The following CAMTA1 variants were observed in gnomAD, a reference collection of about 807,000 sequenced individuals.
The protein encoded by CAMTA1 is calmodulin binding transcription activator 1, also known as calmodulin-binding transcription activator 1.
A neutral mutation model predicts 170.9 loss-of-function variants in CAMTA1; 27 were observed. That is an observed-to-expected ratio of 0.16 (90% CI 0.12 to 0.22). CAMTA1 has a LOEUF of 0.22. Ranked by LOEUF, CAMTA1 falls within the 10% of genes least tolerant of loss-of-function variation. The pLI is 1.00. For synonymous variants in CAMTA1, 833 were observed against 891.5 expected, an observed-to-expected ratio of 0.93 and a Z score of 1.17; for missense variants, 1,619 against 2,217.2, an observed-to-expected ratio of 0.73 and a Z score of 5.42.
At chr1:7,045,559 G>A (rs944386552) in intron 3 of CAMTA1, among the ~76,000 whole-genome samples, 11 of 152,068 alleles carry the variant, frequency 7.2e-5, no homozygotes, top group Non-Finnish European at 1.3e-4. Flanking sequence ...TATTCCATTA[G>A]AGCCGTTACA....
intron 5 of CAMTA1, among the ~76,000 whole-genome samples, chr1:7,412,512 A>G (rs919277305): frequency 2.0e-5 from 3 of 152,208 alleles, no homozygotes; most frequent in African/African-American, 7.2e-5. Context: ...GTGGCCAGTG[A>G]TGGTGAGCAT....
At chr1:7,228,089 T>G (rs1339100379) in intron 4 of CAMTA1, among the ~76,000 whole-genome samples, 1 of 152,260 alleles carries the variant, frequency 6.6e-6, no homozygotes, top group African/African-American at 2.4e-5. Flanking sequence ...TAGAAGGAAC[T>G]GGTTGCATTA....
intron 10 of CAMTA1, among the ~76,000 whole-genome samples, chr1:7,676,383 G>T (rs1233214225): frequency 3.3e-5 from 5 of 152,218 alleles, no homozygotes; most frequent in African/African-American, 4.8e-5. Flanking sequence ...AGTGACTCCC[G>T]AAGGCCTTCC....
rs1360926146 is a variant in CAMTA1, at chr1:7,565,174, C to G, written c.511-75226C>G. On this transcript the variant is annotated intron_variant, in intron 6 of 22. Transcript: ENST00000303635. The surrounding 1 kb of genome is among the most constrained non-coding windows in gnomAD (Gnocchi z 4.5). The stretch of plus-strand genomic sequence containing the variant: ...CCTCACACCCCCACCCTCCACTTGC[C>G]AGCCGATCACTGGGGCAGAAGGTGG... 6.6e-6 allele frequency among the ~76,000 whole-genome samples: 1 copy of G among 152,152 alleles called. No individual in the cohort carries two copies. Among genetic ancestry groups the G allele is most frequent in the African/African-American group, 2.4e-5 (1 of 41,440 alleles).
intron 3 of CAMTA1, among the ~76,000 whole-genome samples, chr1:6,828,652 T>C (rs988542968): frequency 1.3e-5 from 2 of 152,124 alleles, no homozygotes; most frequent in Admixed American, 1.3e-4. Context: ...TATAATTATT[T>C]GTAAGCCTTA....
At chr1:6,878,573 T>A (rs890170023) in intron 3 of CAMTA1, among the ~76,000 whole-genome samples, 1 of 152,234 alleles carries the variant, frequency 6.6e-6, no homozygotes, top group African/African-American at 2.4e-5. Context: ...TAATGGTCAA[T>A]TGAGTGCAGA....
At chr1:7,110,658 A>G (rs1008911393) in intron 4 of CAMTA1, among the ~76,000 whole-genome samples, 1 of 152,150 alleles carries the variant, frequency 6.6e-6, no homozygotes, top group Non-Finnish European at 1.5e-5. Context: ...GTGTTCTTAG[A>G]AGCTGGGTCG....
intron 5 of CAMTA1, among the ~76,000 whole-genome samples, chr1:7,454,624 G>T (rs749372821): frequency 3.3e-5 from 5 of 152,192 alleles, no homozygotes; most frequent in Non-Finnish European, 7.3e-5. Context: ...GGAGGACCGA[G>T]TGAGTTTCTC....
At chr1:7,221,928 T>TACACACAC (rs61354001) in intron 4 of CAMTA1, among the ~76,000 whole-genome samples, 92 of 124,272 alleles carry the variant, frequency 7.4e-4, no homozygotes, top group African/African-American at 2.8e-3. Flanking sequence ...CACACACACA[T>TACACACAC]ACACACACAC....
intron 11 of CAMTA1, among the ~76,000 whole-genome samples, chr1:7,704,129 G>T (rs1250580181): frequency 6.6e-6 from 1 of 151,234 alleles, no homozygotes; most frequent in Non-Finnish European, 1.5e-5. Context: ...GTTGCGCAGC[G>T]CCGGCTCCTC....
intron 2 of CAMTA1, among the ~76,000 whole-genome samples, chr1:6,821,884 GTTATA>G (rs1036346274): frequency 3.9e-5 from 6 of 152,098 alleles, no homozygotes; most frequent in Non-Finnish European, 7.4e-5. Flanking sequence ...ATATTGGAAA[GTTATA>G]TTATACTACA....
At chr1:7,739,215 G>GA (rs907075041) in intron 16 of CAMTA1, among the ~76,000 whole-genome samples, 31 of 144,762 alleles carry the variant, frequency 2.1e-4, no homozygotes, top group Admixed American at 7.5e-4. Context: ...ACGTAAAAGG[G>GA]AAAAAAAACG....
In CAMTA1 at chr1:7,631,774, C is replaced by G. The variant is rs963273619; in HGVS notation, c.511-8626C>G. On this transcript the variant is annotated intron_variant, in intron 6 of 22. Coordinates refer to ENST00000303635, the MANE Select transcript of CAMTA1 (RefSeq NM_015215.4). ...GCTTCCGTCCATCCTCCAGGCCTCT[C>G]TGATCCTCCCCCTGCCTCCTGGCTA... 2.6e-4 allele frequency among the ~76,000 whole-genome samples: 40 copies of G among 152,322 alleles called. 2 individuals carry two copies. Among genetic ancestry groups the G allele is most frequent in the African/African-American group, 9.6e-4 (40 of 41,570 alleles).
intron 5 of CAMTA1, among the ~76,000 whole-genome samples, chr1:7,271,144 C>T (rs1195882973): frequency 6.6e-6 from 1 of 152,058 alleles, no homozygotes. Flanking sequence ...TAAATGAGGT[C>T]ATAGGGATGT....
At chr1:7,219,116 G>T (rs1205422729) in intron 4 of CAMTA1, among the ~76,000 whole-genome samples, 1 of 152,182 alleles carries the variant, frequency 6.6e-6, no homozygotes, top group Non-Finnish European at 1.5e-5. Flanking sequence ...CTCTTACGAA[G>T]GTGAAGTGTC....
intron 3 of CAMTA1, among the ~76,000 whole-genome samples, chr1:6,859,722 G>A (rs570072883): frequency 2.4e-4 from 37 of 152,322 alleles, no homozygotes; most frequent in African/African-American, 8.2e-4. Context: ...CCAGGAAGTC[G>A]AGGCTGCAGT....
Position 7,743,458 on chromosome 1 carries a change from G to A in CAMTA1, c.4183-1377G>A, listed in dbSNP as rs35578351. Among the ~76,000 whole-genome samples, 420 of 152,062 alleles carry A rather than the reference G, an allele frequency of 2.8e-3. 1 individual carries two copies. The highest frequency in any genetic ancestry group is 4.9e-3 in the African/African-American group (201 of 41,412). Reference sequence around the variant, plus strand: ...CTAGAACACTTCCATCTCACTGCACGGTGCCCTGTGCCCATCTGCAGTCCG... The same window carrying A: ...CTAGAACACTTCCATCTCACTGCACAGTGCCCTGTGCCCATCTGCAGTCCG... On this transcript the variant is annotated intron_variant, in intron 16 of 22. Transcript: ENST00000303635.
chr1:7,112,142 A>G (rs1025960907), intron 4 of CAMTA1, among the ~76,000 whole-genome samples: 5 of 151,812 alleles, frequency 3.3e-5, no homozygotes, highest in Non-Finnish European at 7.4e-5. Flanking sequence ...GCATTTGTCC[A>G]GTGGCACGTG....
chr1:6,899,658 A>G (rs901134114), intron 3 of CAMTA1, among the ~76,000 whole-genome samples: 2 of 152,214 alleles, frequency 1.3e-5, no homozygotes, highest in African/African-American at 4.8e-5. Context: ...CACTAGCATG[A>G]TAAATAATTG....
Sources: gnomAD v4.1 joint callset for allele counts (sites outside exome capture counted in the v4.1 genomes callset) on GRCh38, gnomAD v4.1.1 for gene constraint, Gnocchi (gnomAD v3.1) non-coding constraint, MANE v1.5 for transcripts, NCBI Gene and HGNC (gene_info 2026-07-23, HGNC 2026-07-21) for gene names.